Variants in PIAS2 observed in about 807,000 individuals in gnomAD.
PIAS2 encodes protein inhibitor of activated STAT 2, also known as E3 SUMO-protein ligase PIAS2.
A neutral mutation model predicts 69.7 loss-of-function variants in PIAS2; 19 were observed. The observed-to-expected ratio is 0.27, with a 90% confidence interval of 0.19 to 0.40. PIAS2 has a LOEUF of 0.40. Among genes scored for constraint, PIAS2 ranks in the 10% least tolerant of loss-of-function variants. PIAS2 has a pLI of 1.00. For missense variants in PIAS2, 624 were observed against 757.0 expected (o/e 0.82, Z 2.06); for synonymous variants, 261 against 263.2 (o/e 0.99, Z 0.08).
rs537199834 is a variant in PIAS2 at position 46,898,274 on chromosome 18, A to G, written c.25-7220T>C. ...TGGGATTCTTTGCCTCAGCCTCCCAAATACTTGGGATTACTGGCACACACC... is the reference window on the plus strand; with the variant it reads ...TGGGATTCTTTGCCTCAGCCTCCCAGATACTTGGGATTACTGGCACACACC... On this transcript the variant is annotated intron_variant, in intron 1 of 13. Coordinates refer to ENST00000585916, the MANE Select transcript of PIAS2 (RefSeq NM_004671.5). 2.1e-3 allele frequency among the ~76,000 whole-genome samples: 318 copies of G among 151,962 alleles called. 1 individual carries two copies. The highest frequency in any genetic ancestry group is 7.4e-3 in the African/African-American group (308 of 41,454).
At chr18:46,897,038 G>A (rs558441169) in intron 1 of PIAS2, among the ~76,000 whole-genome samples, 3 of 152,120 alleles carry the variant, frequency 2.0e-5, no homozygotes, top group African/African-American at 7.2e-5. Flanking sequence ...CTGGGGACAC[G>A]AAGAATTTTC....
rs1336366107 is a variant in PIAS2, at chr18:46,803,690, T to C, written c.*8743A>G. 1 of 152,208 alleles carries C rather than the reference T, an allele frequency of 6.6e-6. No individual in the cohort carries two copies. Among genetic ancestry groups the C allele is most frequent in the Non-Finnish European group, 1.5e-5 (1 of 68,036 alleles). 9.4% of individuals were successfully genotyped at this position (152,208 alleles called of 1,614,324 possible). ...GGCTAGCCATCACAGTGAGGATAAA[T>C]TATGTTTACAATTATATTGTAGCAC... On this transcript the variant is annotated 3_prime_UTR_variant, in exon 14 of 14. Transcript: ENST00000585916.
chr18:46,920,120 G>C, upstream of PIAS2: 2 of 1,287,036 alleles, frequency 1.6e-6, no homozygotes, highest in Non-Finnish European at 2.0e-6. Flanking sequence ...ATGTGTAGCA[G>C]CTCCTGGATG....
In PIAS2 at chr18:46,875,342, A is replaced by G. The variant is rs549465608; in HGVS notation, c.500-11094T>C. 2.6e-5 allele frequency among the ~76,000 whole-genome samples: 4 copies of G among 152,342 alleles called. No individual in the cohort carries two copies. In the South Asian group the frequency reaches 8.3e-4, roughly 32 times the overall value. The stretch of plus-strand genomic sequence containing the variant: ...CCCCTTCTTCAAACAAGTTGCAAGG[A>G]CTGAAACAGAAACTCCAACTTACGT... On this transcript the variant is annotated intron_variant, in intron 2 of 13. Transcript: ENST00000585916.
chr18:46,812,719 C>A, intron 13 of PIAS2, 107 bp from the exon 14 acceptor site: 1 of 625,900 alleles, frequency 1.6e-6, no homozygotes. Flanking sequence ...TATTTAAATC[C>A]CAGTGGGATT....
upstream of PIAS2, chr18:46,919,958 G>C: frequency 1.4e-6 from 1 of 727,806 alleles, no homozygotes; most frequent in Non-Finnish European, 2.1e-6. Flanking sequence ...GACGAATAGA[G>C]TACAATACAG....
Position 46,821,022 on chromosome 18 carries a change from ACCGAAG to A in PIAS2, c.1553_1558del (p.Thr518_Val520delinsIle). 2 of 1,613,566 alleles carry A rather than the reference ACCGAAG, an allele frequency of 1.2e-6. No individual in the cohort carries two copies. Among genetic ancestry groups the A allele is most frequent in the Non-Finnish European group, 1.7e-6 (2 of 1,179,582 alleles). On this transcript the variant is annotated inframe_deletion, in exon 12 of 14. Transcript: ENST00000585916. ...TGAAGGCGGAATAGCAGCAGGATCA[ACCGAAG>A]TCACACTGGGCACCCTTACAGAAGA... is the stretch of plus-strand genomic sequence containing the variant.
intron 2 of PIAS2, among the ~76,000 whole-genome samples, chr18:46,885,768 C>T (rs553189543): frequency 5.1e-4 from 77 of 151,998 alleles, no homozygotes; most frequent in South Asian, 6.2e-4. Flanking sequence ...CATGAGGATA[C>T]GTGTATTTCT....
At chr18:46,818,374 T>C (rs756523488) in intron 12 of PIAS2, 14 of 1,548,324 alleles carry the variant, frequency 9.0e-6, no homozygotes, top group Admixed American at 1.9e-5. Flanking sequence ...TTTTATTTTG[T>C]ATTCACTGTT....
Position 46,843,176 on chromosome 18 carries a change from C to A in PIAS2, c.1041+878G>T, listed in dbSNP as rs539215960. 3.9e-5 allele frequency among the ~76,000 whole-genome samples: 6 copies of A among 152,312 alleles called. No homozygotes were observed. The East Asian group carries it at 1.2e-3, about 29-fold the overall frequency. ...CTTCATCTACAAAATGAAGACAACT[C>A]CTCCACACAGGTTTGCTAAGACAGT... On this transcript the variant is annotated intron_variant, in intron 8 of 13. Coordinates refer to ENST00000585916, the MANE Select transcript of PIAS2 (RefSeq NM_004671.5).
At chr18:46,847,762 G>A (rs1399116499) in intron 5 of PIAS2, among the ~76,000 whole-genome samples, 1 of 152,192 alleles carries the variant, frequency 6.6e-6, no homozygotes, top group African/African-American at 2.4e-5. Flanking sequence ...GATTACAGGC[G>A]TGAGCCACAG....
chr18:46,899,743 C>G lies in PIAS2; in HGVS notation c.25-8689G>C, dbSNP rs971210328. Among the ~76,000 whole-genome samples, 59 of 152,274 alleles carry G rather than the reference C, an allele frequency of 3.9e-4. 1 individual carries two copies. The highest frequency in any genetic ancestry group is 9.1e-4 in the Admixed American group (14 of 15,304). ...TGGCCTCTAAAAGTGCATAAGCCAC[C>G]ATGCTGGGCCCAGAATGAGTATTAA... On this transcript the variant is annotated intron_variant, in intron 1 of 13. Transcript: ENST00000585916.
Position 46,808,241 on chromosome 18 carries a change from G to A in PIAS2, c.*4192C>T, listed in dbSNP as rs911213039. On this transcript the variant is annotated 3_prime_UTR_variant, in exon 14 of 14. Coordinates refer to ENST00000585916, the MANE Select transcript of PIAS2 (RefSeq NM_004671.5). ...CAGAAGTAGCAAAGACAATGGCAAG[G>A]AAGATGCAAAAATATCAAGTGATTT... 2.8e-4 allele frequency: 43 copies of A among 152,166 alleles called. No individual in the cohort carries two copies. The highest frequency in any genetic ancestry group is 1.0e-3 in the African/African-American group (42 of 41,442). 9.4% of individuals were successfully genotyped at this position (152,166 alleles called of 1,614,324 possible). A position where few individuals can be genotyped will look rare whatever the true frequency, so the allele number is the denominator to read the frequency against.
At chr18:46,883,877 ACACCTGTGGGTCC>A (rs1568718281) in intron 2 of PIAS2, among the ~76,000 whole-genome samples, 1 of 152,134 alleles carries the variant, frequency 6.6e-6, no homozygotes, top group Non-Finnish European at 1.5e-5. Context: ...GTGGTGGTAT[ACACCTGTGGGTCC>A]CAGCAACTTG....
chr18:46,827,421 G>T (rs764788741), intron 11 of PIAS2: 1 of 152,174 alleles, frequency 6.6e-6, no homozygotes, highest in African/African-American at 2.4e-5. Context: ...AAAAGGGAAA[G>T]GAATCAATTT....
upstream of PIAS2, among the ~76,000 whole-genome samples, chr18:46,919,132 C>G (rs2146445969): frequency 6.6e-6 from 1 of 151,704 alleles, no homozygotes; most frequent in East Asian, 2.0e-4. Flanking sequence ...AGGTGGATCA[C>G]TTGAGGTCGG....
intron 2 of PIAS2, among the ~76,000 whole-genome samples, chr18:46,886,840 C>G (rs981107054): frequency 2.6e-5 from 4 of 151,308 alleles, no homozygotes; most frequent in Admixed American, 1.3e-4. Context: ...TCTGTCCCCC[C>G]CCTCCAAAAA....
chr18:46,817,585 C>A, intron 12 of PIAS2: 1 of 928,596 alleles, frequency 1.1e-6, no homozygotes, highest in African/African-American at 1.8e-5. Context: ...TATATTGATA[C>A]CTCATCCACG....
At chr18:46,889,700 G>C (rs992508937) in intron 2 of PIAS2, among the ~76,000 whole-genome samples, 1 of 152,204 alleles carries the variant, frequency 6.6e-6, no homozygotes, top group Admixed American at 6.5e-5. Context: ...GAATGACTAT[G>C]TGATCCAGCA....
Sources: gnomAD v4.1 joint callset for allele counts (sites outside exome capture counted in the v4.1 genomes callset) on GRCh38, gnomAD v4.1.1 for gene constraint, MANE v1.5 for transcripts, NCBI Gene and HGNC (gene_info 2026-07-23, HGNC 2026-07-21) for gene names.